Variants in AAK1 observed in about 807,000 individuals in gnomAD.
AAK1 encodes AP2-associated protein kinase 1.
A neutral mutation model predicts 116.0 loss-of-function variants in AAK1; 37 were observed. The observed-to-expected ratio is 0.32, with a 90% confidence interval of 0.25 to 0.42. The LOEUF (loss-of-function observed/expected upper bound fraction) is 0.42. Among genes scored for constraint, AAK1 ranks in the 10% least tolerant of loss-of-function variants. The pLI is 1.00. For synonymous variants in AAK1, 458 were observed against 439.9 expected (o/e 1.04, Z -0.51); for missense variants, 919 against 1,170.6 (o/e 0.79, Z 3.14).
At chr2:69,582,468 C>T (rs1455207322) in intron 2 of AAK1, among the ~76,000 whole-genome samples, 4 of 152,110 alleles carry the variant, frequency 2.6e-5, no homozygotes, top group South Asian at 2.1e-4. Context: ...CCAGTGGTTT[C>T]GGGGTGGGAG....
At chr2:69,633,527 G>A (rs1451186633) in intron 2 of AAK1, among the ~76,000 whole-genome samples, 1 of 151,400 alleles carries the variant, frequency 6.6e-6, no homozygotes, top group African/African-American at 2.4e-5. Flanking sequence ...CTTGAACCCG[G>A]GAGGCAGAGG....
chr2:69,548,638 C>T (rs1671033660), intron 3 of AAK1, among the ~76,000 whole-genome samples: 1 of 150,696 alleles, frequency 6.6e-6, no homozygotes, highest in South Asian at 2.1e-4. Context: ...GACAGTCTTG[C>T]TCTGTCACCA....
chr2:69,573,201 C>T (rs1672159341), intron 2 of AAK1, among the ~76,000 whole-genome samples: 1 of 152,046 alleles, frequency 6.6e-6, no homozygotes, highest in Non-Finnish European at 1.5e-5. Context: ...GGGGCCTCAA[C>T]AAAGGGTTGA....
At chr2:69,569,168 G>C (rs1671995562) in intron 2 of AAK1, among the ~76,000 whole-genome samples, 1 of 152,152 alleles carries the variant, frequency 6.6e-6, no homozygotes, top group Non-Finnish European at 1.5e-5. Flanking sequence ...CGAGCCAGAG[G>C]AAAGTCCAAA....
At position 69,473,095 on chromosome 2, in the gene AAK1, C is replaced by T. The variant is rs1674734254; in HGVS notation, c.*2774G>A. ...CTATAATCTTAAAGACCATCTAGTC[C>T]AAACCCATCGTATAACTCTAAGGAA... On this transcript the variant is annotated 3_prime_UTR_variant, in exon 22 of 22. Transcript: ENST00000409085. 1 of 919,124 alleles carries T rather than the reference C, an allele frequency of 1.1e-6. No individual in the cohort carries two copies. The highest frequency in any genetic ancestry group is 1.3e-6 in the Non-Finnish European group (1 of 769,394). The allele number at this position is 919,124 out of a possible 1,614,324, so 56.9% of individuals were successfully genotyped here.
At chr2:69,539,339 T>C (rs1670606402) in intron 5 of AAK1, among the ~76,000 whole-genome samples, 1 of 152,184 alleles carries the variant, frequency 6.6e-6, no homozygotes, top group Non-Finnish European at 1.5e-5. Flanking sequence ...ATTCCGTCAG[T>C]ATGAGTCACA....
rs115028021 is a variant in AAK1, at chr2:69,508,359, C to G, written c.2007-781G>C. The stretch of plus-strand genomic sequence containing the variant: ...TAAAAAGAAATAAAGACAGTTACCA[C>G]TACTTTGTGCATCTAAGTATCATTA... On this transcript the variant is annotated intron_variant, in intron 14 of 21. Transcript: ENST00000409085. Among the ~76,000 whole-genome samples, 968 of 152,314 alleles carry G rather than the reference C, an allele frequency of 6.4e-3. 3 individuals carry two copies. Among genetic ancestry groups the G allele is most frequent in the Non-Finnish European group, 0.011 (727 of 68,034 alleles).
At chr2:69,612,481 T>C (rs1209016525) in intron 2 of AAK1, among the ~76,000 whole-genome samples, 3 of 152,234 alleles carry the variant, frequency 2.0e-5, no homozygotes, top group Non-Finnish European at 2.9e-5. Flanking sequence ...GCTCTTATTA[T>C]TATGAAGATG....
chr2:69,525,153 T>C (rs1456789469), intron 9 of AAK1, 41 bp from the exon 10 acceptor site: 3 of 1,588,182 alleles, frequency 1.9e-6, no homozygotes, highest in Non-Finnish European at 2.6e-6. Context: ...CAAAAGGACA[T>C]CACAGATTTC....
Position 69,472,609 on chromosome 2 carries a change from C to T in AAK1, c.*3260G>A, listed in dbSNP as rs543371094. On this transcript the variant is annotated 3_prime_UTR_variant, in exon 22 of 22. Coordinates refer to ENST00000409085, the MANE Select transcript of AAK1 (RefSeq NM_014911.5). ...AGTGTCCACTTAAGCCTTATCTCCT[C>T]TGAGGTATGTATTTTTGAAAACATT... 1.9e-5 allele frequency: 19 copies of T among 985,136 alleles called. No individual in the cohort carries two copies. The East Asian group carries it at 1.8e-3, about 94-fold the overall frequency. 61.0% of individuals were successfully genotyped at this position (985,136 alleles called of 1,614,324 possible).
At chr2:69,530,976 T>C (rs1034562322) in intron 6 of AAK1, among the ~76,000 whole-genome samples, 1 of 152,072 alleles carries the variant, frequency 6.6e-6, no homozygotes, top group African/African-American at 2.4e-5. Flanking sequence ...AAAAGCAACT[T>C]TTCTTGGGTC....
At chr2:69,622,269 G>A (rs1290836389) in intron 2 of AAK1, among the ~76,000 whole-genome samples, 1 of 152,188 alleles carries the variant, frequency 6.6e-6, no homozygotes, top group Non-Finnish European at 1.5e-5. Flanking sequence ...GCCTCCCCGC[G>A]GGGCAGGGCT....
At chr2:69,551,886 T>A (rs1403750494) in intron 3 of AAK1, among the ~76,000 whole-genome samples, 4 of 152,214 alleles carry the variant, frequency 2.6e-5, no homozygotes. Context: ...AACCACTCAG[T>A]GAAACCGCTA....
chr2:69,475,237 T>TA lies in AAK1; in HGVS notation c.*631dup. ...TGCATGGGGTGTAAAATCCCTTGGC[T>TA]AAGTCTATGATCAAACAAGGTCAAA... On this transcript the variant is annotated 3_prime_UTR_variant, in exon 22 of 22. Coordinates refer to ENST00000409085, the MANE Select transcript of AAK1 (RefSeq NM_014911.5). 1.0e-6 allele frequency: 1 copy of TA among 985,922 alleles called. No individual in the cohort carries two copies. The highest frequency in any genetic ancestry group is 1.2e-6 in the Non-Finnish European group (1 of 829,980). 61.1% of individuals were successfully genotyped at this position (985,922 alleles called of 1,614,324 possible).
At chr2:69,477,192 T>C (rs376938444) in intron 20 of AAK1, among the ~76,000 whole-genome samples, 93 of 105,500 alleles carry the variant, frequency 8.8e-4, no homozygotes, top group Non-Finnish European at 1.5e-3. Flanking sequence ...GAGTTGGCCA[T>C]GTTGACTTTT....
At chr2:69,582,362 C>T (rs547202784) in intron 2 of AAK1, among the ~76,000 whole-genome samples, 121 of 152,178 alleles carry the variant, frequency 8.0e-4, no homozygotes, top group African/African-American at 2.8e-3. Flanking sequence ...ACATGAAAAA[C>T]CTCCGTGTGT....
intron 4 of AAK1, among the ~76,000 whole-genome samples, chr2:69,543,826 G>A (rs1670820502): frequency 6.6e-6 from 1 of 152,130 alleles, no homozygotes; most frequent in African/African-American, 2.4e-5. Context: ...TATATAAAAT[G>A]CAATTAACTC....
intron 3 of AAK1, among the ~76,000 whole-genome samples, chr2:69,554,073 A>T (rs1671294275): frequency 6.6e-6 from 1 of 151,942 alleles, no homozygotes; most frequent in South Asian, 2.1e-4. Flanking sequence ...ACCCCATCTC[A>T]AAAGAGAAAA....
intron 16 of AAK1, among the ~76,000 whole-genome samples, chr2:69,504,305 T>G: frequency 7.1e-6 from 1 of 140,592 alleles, no homozygotes; most frequent in African/African-American, 2.7e-5. Context: ...GCTTGAGGCA[T>G]GAGAATTGCT....
Sources: allele counts gnomAD v4.1 joint callset (sites outside exome capture counted in the v4.1 genomes callset), GRCh38; gene constraint gnomAD v4.1.1; transcripts MANE v1.5; gene names NCBI Gene and HGNC (gene_info 2026-07-23, HGNC 2026-07-21).